Variants in DDR1 observed in about 807,000 individuals in gnomAD.
DDR1 encodes the protein discoidin domain receptor tyrosine kinase 1, also known as epithelial discoidin domain-containing receptor 1.
DDR1 carries 64 observed loss-of-function variants against 97.4 expected under a neutral mutation model. That is an observed-to-expected ratio of 0.66 (90% CI 0.54 to 0.81). The LOEUF is 0.81. DDR1 is among the 30% of genes least tolerant of loss of function. DDR1 has a pLI of 0.00. For synonymous variants in DDR1, 458 were observed against 503.7 expected (o/e 0.91, Z 1.21); for missense variants, 990 against 1,259.6 (o/e 0.79, Z 3.24).
In DDR1 at chr6:30,893,158, GCTTGGGTGAGCAAT is replaced by G. The variant is rs757303566; in HGVS notation, c.1195+4_1195+17del. On this transcript the variant is annotated splice_donor_variant and splice_donor_5th_base_variant and coding_sequence_variant and intron_variant, in exon 9 of 18. Coordinates refer to ENST00000376568, the MANE Select transcript of DDR1 (RefSeq NM_001297654.2). LOFTEE classifies it high-confidence loss of function. The stretch of plus-strand genomic sequence containing the variant: ...GGCCCACCTCCCACCAACTTCAGCA[GCTTGGGTGAGCAAT>G]CTTGGGTGGGCGTGTGGACCCTCTG... The G allele has an allele frequency of 6.2e-7, 1 of 1,607,836 alleles. No individual in the cohort carries two copies. The highest frequency in any genetic ancestry group is 8.5e-7 in the Non-Finnish European group (1 of 1,179,390).
At position 30,899,665 on chromosome 6, in the gene DDR1, G is replaced by A; in HGVS notation, c.*369G>A. On this transcript the variant is annotated 3_prime_UTR_variant, in exon 18 of 18. Coordinates refer to ENST00000376568, the MANE Select transcript of DDR1 (RefSeq NM_001297654.2). ...CACCTGGGCCCCACTGGACAACACT[G>A]ATTCCTGGAGAGGTGGCTGCGCCCC... is the stretch of plus-strand genomic sequence containing the variant. 1 of 377,996 alleles carries A rather than the reference G, an allele frequency of 2.6e-6. No individual in the cohort carries two copies. 23.4% of individuals were successfully genotyped at this position (377,996 alleles called of 1,614,324 possible).
rs921859872 is a variant in DDR1, at chr6:30,895,461, C to A, written c.1571C>A (p.Pro524His). The change falls in exon 12 of 18, where the codon CCT becomes CAT. Residue 524 changes from proline (P) to histidine (H), a missense_variant. Pro to His is a moderately conservative substitution (Grantham distance 77). Transcript: ENST00000376568. ...CTTCTGGCCACTTACGCCCGTCCCC[C>A]TCGAGGCCCGGGCCCCCCCACACCC... is the stretch of plus-strand genomic sequence containing the variant. The part of the protein sequence containing the change: ...RLLLATYARP[P>H]RGPGPPTPAW... The A allele has an allele frequency of 6.2e-7, 1 of 1,608,488 alleles. No individual in the cohort carries two copies. The highest frequency in any genetic ancestry group is 8.5e-7 in the Non-Finnish European group (1 of 1,179,156).
At chr6:30,893,674 CA>C (rs1275350009) in intron 10 of DDR1, among the ~76,000 whole-genome samples, 3 of 152,248 alleles carry the variant, frequency 2.0e-5, no homozygotes, top group Admixed American at 6.5e-5. Context: ...GGCACCTTGA[CA>C]GGGGCAGTAG....
Position 30,897,649 on chromosome 6 carries a change from C to T in DDR1, c.2216+52C>T. Reference sequence around the variant, plus strand: ...GCTCAGAATTCCCCCAGGGGATCTCCTCCTCTCCCCTCGCTTCAGCCTGGA... The same window carrying T: ...GCTCAGAATTCCCCCAGGGGATCTCTTCCTCTCCCCTCGCTTCAGCCTGGA... On this transcript the variant is annotated intron_variant, in intron 15 of 17. Transcript: ENST00000376568. This position sits in a 1 kb window ranked among gnomAD's most constrained non-coding sequence, Gnocchi z 5.2. 1 of 1,430,248 alleles carries T rather than the reference C, an allele frequency of 7.0e-7. No homozygotes were observed. Among genetic ancestry groups the T allele is most frequent in the Non-Finnish European group, 9.6e-7 (1 of 1,040,980 alleles). The allele number at this position is 1,430,248 out of a possible 1,614,324, so 88.6% of individuals were successfully genotyped here. A position where few individuals can be genotyped will look rare whatever the true frequency, so the allele number is the denominator to read the frequency against.
chr6:30,889,212 A>G lies in DDR1; in HGVS notation c.199A>G (p.Ser67Gly). 4 of 1,613,042 alleles carry G rather than the reference A, an allele frequency of 2.5e-6. No homozygotes were observed. Among genetic ancestry groups the G allele is most frequent in the Non-Finnish European group, 3.4e-6 (4 of 1,180,012 alleles). ...TAARHSRLES[S>G]DGDGAWCPAG... ...CCTCTTCACCCTCAGGTTGGAGAGC[A>G]GTGACGGGGATGGGGCCTGGTGCCC... Residue 67 changes from serine (S) to glycine (G), a missense_variant, in exon 4 of 18, where the codon AGT (serine) becomes GGT (glycine). By Grantham distance (56) the Ser-to-Gly change is moderately conservative. Coordinates refer to ENST00000376568, the MANE Select transcript of DDR1 (RefSeq NM_001297654.2). The surrounding 1 kb of genome is among the most constrained non-coding windows in gnomAD (Gnocchi z 4.9).
At chr6:30,892,805 C>T (rs1274760674) in intron 8 of DDR1, 1 of 586,170 alleles carries the variant, frequency 1.7e-6, no homozygotes, top group East Asian at 2.9e-5. Context: ...TATTGAAATA[C>T]TTCTGTATTA....
chr6:30,891,158 C>T lies in DDR1; in HGVS notation c.565+38C>T. ...GCTTCCTGGGAATCTGTTTCCTGAG[C>T]AGGGGACTGGAGGGTGGGGAGTGTG... On this transcript the variant is annotated intron_variant, in intron 5 of 17. Transcript: ENST00000376568. The surrounding 1 kb of genome is among the most constrained non-coding windows in gnomAD (Gnocchi z 5.3). 1 of 1,610,998 alleles carries T rather than the reference C, an allele frequency of 6.2e-7. No homozygotes were observed. Among genetic ancestry groups the T allele is most frequent in the Non-Finnish European group, 8.5e-7 (1 of 1,179,486 alleles).
rs1283365196 is a variant in DDR1 at position 30,890,783 on chromosome 6, G to A, written c.418-190G>A. 4 of 559,826 alleles carry A rather than the reference G, an allele frequency of 7.1e-6. No individual in the cohort carries two copies. The highest frequency in any genetic ancestry group is 1.2e-5 in the Non-Finnish European group (4 of 329,608). The allele number at this position is 559,826 out of a possible 1,614,324, so 34.7% of individuals were successfully genotyped here. A position where few individuals can be genotyped will look rare whatever the true frequency, so the allele number is the denominator to read the frequency against. On this transcript the variant is annotated intron_variant, in intron 4 of 17. Coordinates refer to ENST00000376568, the MANE Select transcript of DDR1 (RefSeq NM_001297654.2). The surrounding 1 kb of genome is among the most constrained non-coding windows in gnomAD (Gnocchi z 5.0). ...GATGGAACATCAGAGCTGCGACAGA[G>A]CCAGAGGTCTCAGCTGCAGATCTTC...
rs936553989 is a variant in DDR1 at position 30,885,895 on chromosome 6, C to T, written c.-43+1185C>T. On this transcript the variant is annotated intron_variant, in intron 1 of 17. Coordinates refer to ENST00000376568, the MANE Select transcript of DDR1 (RefSeq NM_001297654.2). ...TGGGACTTGGGGGTTGGGAGAGGAG[C>T]GTGAAGGGCTTGAGGCAGGGTGGCC... 8.7e-6 allele frequency: 10 copies of T among 1,155,622 alleles called. No homozygotes were observed. In the African/African-American group the frequency reaches 1.1e-4, roughly 13 times the overall value. The allele number at this position is 1,155,622 out of a possible 1,614,324, so 71.6% of individuals were successfully genotyped here. A position where few individuals can be genotyped will look rare whatever the true frequency, so the allele number is the denominator to read the frequency against.
chr6:30,885,668 A>G, intron 1 of DDR1: 1 of 1,328,480 alleles, frequency 7.5e-7, no homozygotes, highest in Non-Finnish European at 9.9e-7. Flanking sequence ...GTTGGACTTG[A>G]AGGAATGCCA....
Position 30,888,463 on chromosome 6 carries a change from C to T in DDR1, c.-42-225C>T. ...TAAATATGGATAGTAATAGTATCTA[C>T]CTTATGAAGTGACTGTGAAGATAAA... On this transcript the variant is annotated intron_variant, in intron 1 of 17. Transcript: ENST00000376568. This position sits in a 1 kb window ranked among gnomAD's most constrained non-coding sequence, Gnocchi z 4.2. 1.7e-6 allele frequency: 1 copy of T among 581,286 alleles called. No homozygotes were observed. Among genetic ancestry groups the T allele is most frequent in the Non-Finnish European group, 3.0e-6 (1 of 329,672 alleles). The allele number at this position is 581,286 out of a possible 1,614,324, so 36.0% of individuals were successfully genotyped here.
rs997611256 is a variant in DDR1 at position 30,899,591 on chromosome 6, G to C, written c.*295G>C. ...CACCCTCCTCTAGCCATCCCTTGGG[G>C]AAGGGTGGGGAGAAATATAGGATAG... is the stretch of plus-strand genomic sequence containing the variant. On this transcript the variant is annotated 3_prime_UTR_variant, in exon 18 of 18. Transcript: ENST00000376568. 2.2e-5 allele frequency: 11 copies of C among 501,256 alleles called. No individual in the cohort carries two copies. Among genetic ancestry groups the C allele is most frequent in the African/African-American group, 1.9e-4 (10 of 52,634 alleles). 31.1% of individuals were successfully genotyped at this position (501,256 alleles called of 1,614,324 possible). A position where few individuals can be genotyped will look rare whatever the true frequency, so the allele number is the denominator to read the frequency against.
At chr6:30,896,970 C>T (rs1316620651) in intron 13 of DDR1, 44 bp from the exon 14 acceptor site, 8 of 1,593,168 alleles carry the variant, frequency 5.0e-6, no homozygotes, top group East Asian at 2.2e-5. Context: ...CGTGTTAATC[C>T]GTTTGACCCT....
rs1252287022 is a variant in DDR1, at chr6:30,897,264, T to C, written c.1998-115T>C. Reference sequence around the variant, plus strand: ...GCATCTCTGGGAGGGGATTTACATGTACGCTGGGGGTGGGGACGCCTGGTC... The same window carrying C: ...GCATCTCTGGGAGGGGATTTACATGCACGCTGGGGGTGGGGACGCCTGGTC... On this transcript the variant is annotated intron_variant, in intron 14 of 17. Coordinates refer to ENST00000376568, the MANE Select transcript of DDR1 (RefSeq NM_001297654.2). This position sits in a 1 kb window ranked among gnomAD's most constrained non-coding sequence, Gnocchi z 5.2. The C allele has an allele frequency of 4.3e-6, 6 of 1,383,414 alleles. No homozygotes were observed. In the Admixed American group the frequency reaches 1.2e-4, roughly 27 times the overall value. 85.7% of individuals were successfully genotyped at this position (1,383,414 alleles called of 1,614,324 possible).
At position 30,891,411 on chromosome 6, in the gene DDR1, G is replaced by T; in HGVS notation, c.597G>T (p.Gly199=). The T allele has an allele frequency of 6.2e-7, 1 of 1,612,974 alleles. No homozygotes were observed. Among genetic ancestry groups the T allele is most frequent in the South Asian group, 1.1e-5 (1 of 91,060 alleles). The change falls in exon 6 of 18, where the codon GGG becomes GGT. Residue 199 remains glycine, a synonymous_variant. Coordinates refer to ENST00000376568, the MANE Select transcript of DDR1 (RefSeq NM_001297654.2). This position sits in a 1 kb window ranked among gnomAD's most constrained non-coding sequence, Gnocchi z 5.3. ...TCCTGTCTTACACCGCCCCTGTGGG[G>T]CAGACAATGTATTTATCTGAGGCCG... The part of the protein sequence containing the change: ...DGLLSYTAPV[G]QTMYLSEAVY...
chr6:30,892,372 C>T lies in DDR1; in HGVS notation c.929C>T (p.Ala310Val), dbSNP rs1788793255. ...GAATGTCGCTTCCGGCGTGGCCCTG[C>T]CATGGCCTGGGAGGGGGAGCCCATG... Reference protein sequence around the residue: ...GVECRFRRGPAMAWEGEPMRH... With the variant: ...GVECRFRRGPVMAWEGEPMRH... Residue 310 changes from alanine to valine, a missense_variant, in exon 8 of 18, where the codon GCC becomes GTC. Coordinates refer to ENST00000376568, the MANE Select transcript of DDR1 (RefSeq NM_001297654.2). 6.3e-7 allele frequency: 1 copy of T among 1,588,382 alleles called. No homozygotes were observed. The highest frequency in any genetic ancestry group is 8.6e-7 in the Non-Finnish European group (1 of 1,169,050).
chr6:30,894,813 A>C lies in DDR1; in HGVS notation c.1513+142A>C. 1.1e-6 allele frequency: 1 copy of C among 906,662 alleles called. No homozygotes were observed. The highest frequency in any genetic ancestry group is 1.6e-6 in the Non-Finnish European group (1 of 633,270). 56.2% of individuals were successfully genotyped at this position (906,662 alleles called of 1,614,324 possible). ...TGTGCCCCTGGTTACTGTCTATATC[A>C]CTCTTTGTCCCTACCATGTAGTCTC... is the stretch of plus-strand genomic sequence containing the variant. On this transcript the variant is annotated intron_variant, in intron 11 of 17. Transcript: ENST00000376568. This position sits in a 1 kb window ranked among gnomAD's most constrained non-coding sequence, Gnocchi z 5.7.
chr6:30,895,292 C>A, intron 11 of DDR1, 112 bp from the exon 12 acceptor site: 1 of 739,274 alleles, frequency 1.4e-6, no homozygotes. Context: ...CTGTCTGTCT[C>A]TTAATGCAAT....
chr6:30,882,775 G>A (rs768984870), upstream of DDR1: 1 of 152,862 alleles, frequency 6.5e-6, no homozygotes, highest in Non-Finnish European at 1.5e-5. The surrounding 1 kb of genome is among the most constrained non-coding windows in gnomAD (Gnocchi z 4.8). Flanking sequence ...GCGTGGGCCT[G>A]GGGTGTGGAA....
Sources: gnomAD v4.1 joint callset for allele counts (sites outside exome capture counted in the v4.1 genomes callset) on GRCh38, gnomAD v4.1.1 for gene constraint, Gnocchi (gnomAD v3.1) non-coding constraint, MANE v1.5 for transcripts, NCBI Gene and HGNC (gene_info 2026-07-23, HGNC 2026-07-21) for gene names.